The following AGAP1 variants were observed in gnomAD, a reference collection of about 807,000 sequenced individuals.
AGAP1 encodes ArfGAP with GTPase domain, ankyrin repeat and PH domain 1.
In AGAP1, 29 loss-of-function variants were observed where a neutral mutation model predicts 105.3. The observed-to-expected ratio is 0.28, with a 90% CI of 0.21 to 0.38. The LOEUF is 0.38. AGAP1 is among the 10% of genes least tolerant of loss of function. The pLI is 1.00. For synonymous variants in AGAP1, 509 were observed against 485.9 expected (o/e 1.05, Z -0.63); for missense variants, 998 against 1,165.1 (o/e 0.86, Z 2.09).
intron 16 of AGAP1, among the ~76,000 whole-genome samples, chr2:236,070,248 C>T (rs1455400084): frequency 1.3e-5 from 2 of 152,358 alleles, no homozygotes; most frequent in African/African-American, 2.4e-5. Context: ...GATTTGGCAT[C>T]AGGGCGAGTG....
rs531413541 is a variant in AGAP1 at position 235,801,452 on chromosome 2, G to A, written c.957+1930G>A. Among the ~76,000 whole-genome samples, 3 of 152,254 alleles carry A rather than the reference G, an allele frequency of 2.0e-5. No homozygotes were observed. Among genetic ancestry groups the A allele is most frequent in the Admixed American group, 2.0e-4 (3 of 15,300 alleles). On this transcript the variant is annotated intron_variant, in intron 8 of 17. Transcript: ENST00000304032. The surrounding 1 kb of genome is among the most constrained non-coding windows in gnomAD (Gnocchi z 6.0). ...TTAGGTTTCTGTAAAATACAGGTGA[G>A]TATCTCACATGCTTAAATTAGTGCA...
rs756237769 is a variant in AGAP1 at position 235,977,633 on chromosome 2, T to C, written c.1645+9010T>C. ...AGTAGAGATGCCCGGGGGTTATATTTTCAGATGTTCTAGCTGAGCTCGCTT... is the reference window on the plus strand; with the variant it reads ...AGTAGAGATGCCCGGGGGTTATATTCTCAGATGTTCTAGCTGAGCTCGCTT... On this transcript the variant is annotated intron_variant, in intron 13 of 17. Transcript: ENST00000304032. The surrounding 1 kb of genome is among the most constrained non-coding windows in gnomAD (Gnocchi z 5.2). Among the ~76,000 whole-genome samples the C allele has an allele frequency of 9.2e-5, 14 of 152,116 alleles. No homozygotes were observed. Among genetic ancestry groups the C allele is most frequent in the Non-Finnish European group, 2.1e-4 (14 of 68,040 alleles).
Position 235,826,802 on chromosome 2 carries a change from G to A in AGAP1, c.1050+19471G>A, listed in dbSNP as rs536560516. ...TTAGCCACCCTGAGAGTTTCTTCAC[G>A]AAGTTCCTGTGGAGGTGGCTGGCTG... is the stretch of plus-strand genomic sequence containing the variant. On this transcript the variant is annotated intron_variant, in intron 9 of 17. Coordinates refer to ENST00000304032, the MANE Select transcript of AGAP1 (RefSeq NM_001037131.3). Among the ~76,000 whole-genome samples the A allele has an allele frequency of 5.9e-5, 9 of 152,078 alleles. No homozygotes were observed. The East Asian group carries it at 9.7e-4, about 16-fold the overall frequency.
rs964757837 is a variant in AGAP1, at chr2:235,625,982, C to T, written c.164-83197C>T. ...GCTATTTGTAAAAATAATGCACAGG[C>T]ATTTGCTGCTGTATCCTATGAGCGA... On this transcript the variant is annotated intron_variant, in intron 1 of 17. Coordinates refer to ENST00000304032, the MANE Select transcript of AGAP1 (RefSeq NM_001037131.3). This position sits in a 1 kb window ranked among gnomAD's most constrained non-coding sequence, Gnocchi z 4.0. 9.2e-5 allele frequency among the ~76,000 whole-genome samples: 14 copies of T among 152,150 alleles called. No individual in the cohort carries two copies. Among genetic ancestry groups the T allele is most frequent in the Non-Finnish European group, 2.1e-4 (14 of 68,042 alleles).
chr2:235,735,741 C>T (rs1467369191), intron 3 of AGAP1, among the ~76,000 whole-genome samples: 4 of 152,016 alleles, frequency 2.6e-5, no homozygotes, highest in African/African-American at 9.7e-5. Context: ...GACCTCGACT[C>T]GCTTATGAAT....
chr2:235,597,749 C>T (rs1446328176), intron 1 of AGAP1, among the ~76,000 whole-genome samples: 2 of 146,248 alleles, frequency 1.4e-5, no homozygotes, highest in Non-Finnish European at 3.0e-5. Flanking sequence ...CACGCGCTCC[C>T]GTGTTTCCTT....
At chr2:235,745,764 G>A (rs1010928089) in intron 5 of AGAP1, among the ~76,000 whole-genome samples, 1 of 152,192 alleles carries the variant, frequency 6.6e-6, no homozygotes, top group Non-Finnish European at 1.5e-5. Context: ...GTAGGAGGTT[G>A]CCCAGGCAGA....
At chr2:236,111,779 G>A (rs907592305) in intron 16 of AGAP1, among the ~76,000 whole-genome samples, 1 of 132,402 alleles carries the variant, frequency 7.6e-6, no homozygotes, top group Middle Eastern at 3.8e-3. Context: ...GCAACAGTGC[G>A]ACTCTATCTC....
intron 10 of AGAP1, among the ~76,000 whole-genome samples, chr2:235,899,232 G>A (rs191690551): frequency 3.2e-4 from 48 of 152,284 alleles, no homozygotes; most frequent in African/African-American, 9.9e-4. Context: ...CTACTGTTTG[G>A]CCGGGCGCGG....
chr2:235,861,636 G>A (rs1344397334), intron 9 of AGAP1, among the ~76,000 whole-genome samples: 1 of 152,236 alleles, frequency 6.6e-6, no homozygotes, highest in South Asian at 2.1e-4. Context: ...GGGAGCGCAT[G>A]CTGACAGCTC....
chr2:235,521,579 GT>G (rs1384210116), intron 1 of AGAP1, among the ~76,000 whole-genome samples: 1 of 152,062 alleles, frequency 6.6e-6, no homozygotes, highest in African/African-American at 2.4e-5. Flanking sequence ...CCCATGCACT[GT>G]TTTTCGTTTG....
In AGAP1 at chr2:236,058,538, A is replaced by C. The variant is rs531219467; in HGVS notation, c.2114+9257A>C. Among the ~76,000 whole-genome samples the C allele has an allele frequency of 1.2e-4, 18 of 152,246 alleles. No individual in the cohort carries two copies. Among genetic ancestry groups the C allele is most frequent in the Non-Finnish European group, 2.4e-4 (16 of 68,044 alleles). ...CAAAACCACGTGCCCTTTCATGGTA[A>C]CAAACACTCAGCAAACTAGAAATAA... On this transcript the variant is annotated intron_variant, in intron 16 of 17. Coordinates refer to ENST00000304032, the MANE Select transcript of AGAP1 (RefSeq NM_001037131.3). The surrounding 1 kb of genome is among the most constrained non-coding windows in gnomAD (Gnocchi z 4.6).
chr2:235,651,532 G>GA (rs1217438896), intron 1 of AGAP1, among the ~76,000 whole-genome samples: 2 of 152,110 alleles, frequency 1.3e-5, no homozygotes, highest in Non-Finnish European at 2.9e-5. Flanking sequence ...CAATTAATCT[G>GA]AAACGCTCTT....
intron 1 of AGAP1, among the ~76,000 whole-genome samples, chr2:235,667,571 C>T (rs956620413): frequency 6.6e-6 from 1 of 152,130 alleles, no homozygotes; most frequent in South Asian, 2.1e-4. Context: ...ATCTCCCTAA[C>T]CAGATGGGCG....
At chr2:236,026,478 C>T (rs936069023) in intron 13 of AGAP1, among the ~76,000 whole-genome samples, 6 of 152,206 alleles carry the variant, frequency 3.9e-5, no homozygotes, top group Admixed American at 2.0e-4. Context: ...CCTGTAATCC[C>T]CGCACTTTGG....
chr2:235,772,515 G>C (rs909589644), intron 6 of AGAP1, among the ~76,000 whole-genome samples: 1 of 152,080 alleles, frequency 6.6e-6, no homozygotes, highest in Non-Finnish European at 1.5e-5. Flanking sequence ...GTTATGGCTT[G>C]TGGATGGATA....
At chr2:236,049,307 T>G in intron 16 of AGAP1, 26 bp downstream of exon 16, 1 of 1,594,332 alleles carries the variant, frequency 6.3e-7, no homozygotes, top group Non-Finnish European at 8.6e-7. Context: ...GATGCCTGGC[T>G]CCCGACACGT....
At chr2:235,636,672 G>A (rs1278678155) in intron 1 of AGAP1, among the ~76,000 whole-genome samples, 1 of 152,160 alleles carries the variant, frequency 6.6e-6, no homozygotes, top group African/African-American at 2.4e-5. Context: ...GAGGTGAGTC[G>A]GCCTGACCAA....
rs564905238 is a variant in AGAP1, at chr2:235,568,112, A to G, written c.163+73263A>G. Among the ~76,000 whole-genome samples, 247 of 152,184 alleles carry G rather than the reference A, an allele frequency of 1.6e-3. 1 individual carries two copies. The highest frequency in any genetic ancestry group is 5.3e-3 in the African/African-American group (222 of 41,500). On this transcript the variant is annotated intron_variant, in intron 1 of 17. Coordinates refer to ENST00000304032, the MANE Select transcript of AGAP1 (RefSeq NM_001037131.3). ...CCCACACTGACCTCGTGATGTCTCTAGTGCCCTCAGGGACCCTGGACAGCA... is the reference window on the plus strand; with the variant it reads ...CCCACACTGACCTCGTGATGTCTCTGGTGCCCTCAGGGACCCTGGACAGCA...
Sources: allele counts gnomAD v4.1 joint callset (sites outside exome capture counted in the v4.1 genomes callset), GRCh38; gene constraint gnomAD v4.1.1; non-coding constraint Gnocchi (gnomAD v3.1); transcripts MANE v1.5; gene names NCBI Gene and HGNC (gene_info 2026-07-23, HGNC 2026-07-21).